Variants in KSR1 observed in about 807,000 individuals in gnomAD.
The protein encoded by KSR1 is kinase suppressor of ras.
A neutral mutation model predicts 92.9 loss-of-function variants in KSR1; 35 were observed. The ratio of observed to expected loss-of-function variants is 0.38; its 90% CI spans 0.29 to 0.50. KSR1 has a LOEUF of 0.50. Among genes scored for constraint, KSR1 ranks in the 20% least tolerant of loss-of-function variants. The pLI is 0.94. For synonymous variants in KSR1, 467 were observed against 472.6 expected, an observed-to-expected ratio of 0.99 and a Z score of 0.15; for missense variants, 972 against 1,158.5, an observed-to-expected ratio of 0.84 and a Z score of 2.34.
intron 1 of KSR1, among the ~76,000 whole-genome samples, chr17:27,470,209 C>T (rs1460712482): frequency 6.6e-6 from 1 of 151,024 alleles, no homozygotes; most frequent in Non-Finnish European, 1.5e-5. Flanking sequence ...GTGCACACCA[C>T]CATGCCCAGC....
intron 1 of KSR1, among the ~76,000 whole-genome samples, chr17:27,522,532 C>A (rs2070085438): frequency 6.6e-6 from 1 of 152,314 alleles, no homozygotes; most frequent in South Asian, 2.1e-4. Context: ...GTGTTTCTTT[C>A]CAGCAGAGAT....
In KSR1 at chr17:27,582,755, A is replaced by G. The variant is rs968401393; in HGVS notation, c.630A>G (p.Pro210=). ...CAGCAGCCAGCCTGCCCTGGCCCCC[A>G]GGGAGCTCCCAGCTGGGCAGAGCAG... ...TLSAASLPWP[P]GSSQLGRAGN... The change falls in exon 4 of 21, where the codon CCA becomes CCG. Residue 210 remains proline, a synonymous_variant. Coordinates refer to ENST00000644974, the MANE Select transcript of KSR1 (RefSeq NM_001394583.1). 1 of 1,613,576 alleles carries G rather than the reference A, an allele frequency of 6.2e-7. No individual in the cohort carries two copies. The highest frequency in any genetic ancestry group is 1.3e-5 in the African/African-American group (1 of 74,856).
At chr17:27,530,674 C>T (rs946070535) in intron 1 of KSR1, among the ~76,000 whole-genome samples, 5 of 152,138 alleles carry the variant, frequency 3.3e-5, no homozygotes, top group Admixed American at 1.3e-4. Flanking sequence ...AAAATCAGTA[C>T]GCAGTAATTA....
chr17:27,476,293 G>A (rs2068342752), intron 1 of KSR1, among the ~76,000 whole-genome samples: 1 of 152,198 alleles, frequency 6.6e-6, no homozygotes, highest in Non-Finnish European at 1.5e-5. Context: ...TCTCTGCAGG[G>A]CGCTTGTTGA....
intron 4 of KSR1, 53 bp from the exon 5 acceptor site, chr17:27,585,604 C>T (rs371003615): frequency 9.8e-4 from 718 of 736,288 alleles, no homozygotes; most frequent in Non-Finnish European, 1.4e-3. Context: ...TCTAGGAACA[C>T]GCCGAGCCAG....
intron 1 of KSR1, among the ~76,000 whole-genome samples, chr17:27,491,340 TG>T (rs2068822497): frequency 2.3e-5 from 2 of 86,984 alleles, no homozygotes; most frequent in African/African-American, 3.8e-5. Context: ...TGTGTGTGTG[TG>T]TGTGTGTGTG....
In KSR1 at chr17:27,605,319, T is replaced by TC. The variant is rs1598132728; in HGVS notation, c.1615-111dup. The TC allele has an allele frequency of 2.2e-6, 3 of 1,366,616 alleles. No homozygotes were observed. The African/African-American group carries it at 4.4e-5, about 20-fold the overall frequency. The allele number at this position is 1,366,616 out of a possible 1,614,324, so 84.7% of individuals were successfully genotyped here. A position where few individuals can be genotyped will look rare whatever the true frequency, so the allele number is the denominator to read the frequency against. ...TGCAGAGCTGCAACTACAACCTGGG[T>TC]CCCCTGGCAGGATGCCTCTCTCCCC... On this transcript the variant is annotated intron_variant, in intron 13 of 20. Transcript: ENST00000644974.
intron 10 of KSR1, among the ~76,000 whole-genome samples, chr17:27,599,824 T>C (rs2073482907): frequency 6.6e-6 from 1 of 152,198 alleles, no homozygotes; most frequent in Admixed American, 6.5e-5. Context: ...AAAACTTTTT[T>C]TTTGAATTTT....
intron 18 of KSR1, 75 bp from the exon 19 acceptor site, chr17:27,617,220 T>G: frequency 6.8e-7 from 1 of 1,466,074 alleles, no homozygotes; most frequent in South Asian, 1.4e-5. Context: ...AAGGGACCCT[T>G]TGTGGAGCAC....
At chr17:27,586,135 C>G (rs918787090) in intron 5 of KSR1, 4 of 168,288 alleles carry the variant, frequency 2.4e-5, no homozygotes, top group African/African-American at 9.6e-5. Context: ...TGTAGCGCAG[C>G]TCTGAATGAG....
Position 27,608,978 on chromosome 17 carries a change from G to A in KSR1, c.2092-218G>A, listed in dbSNP as rs1037263938. 5.3e-5 allele frequency among the ~76,000 whole-genome samples: 8 copies of A among 152,310 alleles called. No homozygotes were observed. The East Asian group carries it at 9.6e-4, about 18-fold the overall frequency. The stretch of plus-strand genomic sequence containing the variant: ...TGGTAACATTAAAAGAGCATAGACC[G>A]GTCTGGGATCAGATCTCAGCTCTGC... On this transcript the variant is annotated intron_variant, in intron 15 of 20. Transcript: ENST00000644974.
chr17:27,564,735 G>GGCCCCCCCC (rs2071989320), intron 2 of KSR1, among the ~76,000 whole-genome samples: 2 of 101,196 alleles, frequency 2.0e-5, no homozygotes, highest in African/African-American at 9.1e-5. Flanking sequence ...GAAGATGGAA[G>GGCCCCCCCC]ACCCCCCCCC....
At chr17:27,599,746 AT>A (rs993266694) in intron 10 of KSR1, among the ~76,000 whole-genome samples, 3 of 152,068 alleles carry the variant, frequency 2.0e-5, no homozygotes, top group African/African-American at 4.8e-5. Flanking sequence ...ATCTTTAAAC[AT>A]TTTTTTTAAC....
intron 6 of KSR1, 113 bp from the exon 7 acceptor site, chr17:27,590,698 T>C: frequency 1.1e-6 from 1 of 934,142 alleles, no homozygotes; most frequent in Non-Finnish European, 1.7e-6. Context: ...GCCAAGGGGC[T>C]CTGGGATGGA....
intron 10 of KSR1, among the ~76,000 whole-genome samples, chr17:27,600,769 A>G (rs1445678380): frequency 6.6e-6 from 1 of 152,134 alleles, no homozygotes; most frequent in Non-Finnish European, 1.5e-5. Context: ...GTGGCACATG[A>G]CTGTATTTAC....
At chr17:27,615,119 C>G (rs2074022987) in intron 18 of KSR1, among the ~76,000 whole-genome samples, 1 of 152,138 alleles carries the variant, frequency 6.6e-6, no homozygotes, top group Non-Finnish European at 1.5e-5. Flanking sequence ...ACCAGCAGTC[C>G]CTCACCCTAG....
chr17:27,588,780 T>A (rs773824211), intron 6 of KSR1, among the ~76,000 whole-genome samples: 2 of 152,154 alleles, frequency 1.3e-5, no homozygotes, highest in African/African-American at 2.4e-5. Context: ...GGAAAACACT[T>A]TCCTTCTTTC....
At chr17:27,472,472 C>A (rs1364447344) in intron 1 of KSR1, among the ~76,000 whole-genome samples, 1 of 152,196 alleles carries the variant, frequency 6.6e-6, no homozygotes, top group Non-Finnish European at 1.5e-5. Flanking sequence ...CAGGGTTAAC[C>A]AGCACCTTGG....
chr17:27,525,741 T>C (rs900359750), intron 1 of KSR1, among the ~76,000 whole-genome samples: 1 of 152,258 alleles, frequency 6.6e-6, no homozygotes, highest in Non-Finnish European at 1.5e-5. Flanking sequence ...TTCAGGCAGC[T>C]GACCTTGGTG....
Sources: gnomAD v4.1 joint callset for allele counts (sites outside exome capture counted in the v4.1 genomes callset) on GRCh38, gnomAD v4.1.1 for gene constraint, MANE v1.5 for transcripts, NCBI Gene and HGNC (gene_info 2026-07-23, HGNC 2026-07-21) for gene names.